The following AKAP6 variants were observed in gnomAD, a reference collection of about 807,000 sequenced individuals.
AKAP6 encodes the protein A-kinase anchor protein 6.
A neutral mutation model predicts 188.5 loss-of-function variants in AKAP6; 58 were observed. The observed-to-expected ratio is 0.31, with a 90% CI of 0.25 to 0.38. AKAP6 has a LOEUF of 0.38. AKAP6 is among the 10% of genes least tolerant of loss of function. The probability of loss-of-function intolerance (pLI) is 1.00; values close to 1 mark genes in which losing one functional copy is unlikely to be tolerated. For missense variants in AKAP6, 2,710 were observed against 2,740.0 expected (o/e 0.99, Z 0.24); for synonymous variants, 989 against 998.6 (o/e 0.99, Z 0.18).
At chr14:32,640,660 C>T (rs1323871743) in intron 7 of AKAP6, among the ~76,000 whole-genome samples, 2 of 152,054 alleles carry the variant, frequency 1.3e-5, no homozygotes, top group Admixed American at 6.6e-5. Context: ...TCACATTAGC[C>T]CTTACAGATA....
intron 7 of AKAP6, among the ~76,000 whole-genome samples, chr14:32,630,377 T>C (rs559518744): frequency 6.6e-6 from 1 of 152,084 alleles, no homozygotes; most frequent in African/African-American, 2.4e-5. Context: ...AATTACCACA[T>C]GTTGCTATTG....
chr14:32,649,934 T>A (rs1348123648), intron 7 of AKAP6, among the ~76,000 whole-genome samples: 1 of 152,204 alleles, frequency 6.6e-6, no homozygotes, highest in Non-Finnish European at 1.5e-5. Flanking sequence ...ACTGGATTTC[T>A]CTAGGCAGCA....
chr14:32,381,549 T>C (rs886505891), intron 1 of AKAP6, among the ~76,000 whole-genome samples: 1 of 152,124 alleles, frequency 6.6e-6, no homozygotes, highest in Admixed American at 6.5e-5. Context: ...TTGGTTCCAC[T>C]GTTTGGGCCA....
At chr14:32,337,487 TAAAG>T (rs1313074707) in intron 1 of AKAP6, among the ~76,000 whole-genome samples, 1 of 152,100 alleles carries the variant, frequency 6.6e-6, no homozygotes, top group African/African-American at 2.4e-5. Context: ...TGAGAACAAA[TAAAG>T]AATCAGATTG....
chr14:32,352,332 G>A (rs547178596), intron 1 of AKAP6, among the ~76,000 whole-genome samples: 7 of 150,956 alleles, frequency 4.6e-5, no homozygotes, highest in East Asian at 3.9e-4. Context: ...TGATGTTTCC[G>A]TACAAGTATG....
intron 12 of AKAP6, among the ~76,000 whole-genome samples, chr14:32,815,693 A>G (rs1395055469): frequency 6.6e-6 from 1 of 152,216 alleles, no homozygotes; most frequent in African/African-American, 2.4e-5. Flanking sequence ...GTTAACGGTT[A>G]TTTAGGATTC....
chr14:32,509,140 T>C (rs1253033786), intron 2 of AKAP6, among the ~76,000 whole-genome samples: 2 of 100,022 alleles, frequency 2.0e-5, no homozygotes, highest in South Asian at 6.0e-4. Context: ...TTTTTTTTTT[T>C]TTTTGAGAGA....
At chr14:32,494,728 C>A (rs1433196806) in intron 2 of AKAP6, among the ~76,000 whole-genome samples, 2 of 152,056 alleles carry the variant, frequency 1.3e-5, no homozygotes, top group African/African-American at 4.8e-5. Flanking sequence ...CACTTGCATG[C>A]CTCTCTTGAA....
At chr14:32,703,232 G>A (rs8013508) in intron 9 of AKAP6, among the ~76,000 whole-genome samples, 17,201 of 152,088 alleles carry the variant, frequency 0.11, 1,030 homozygotes, top group Admixed American at 0.16. Context: ...GAGAGAAAGG[G>A]AGAGAGGGAA....
chr14:32,488,140 C>A (rs1829898015), intron 2 of AKAP6, among the ~76,000 whole-genome samples: 1 of 152,232 alleles, frequency 6.6e-6, no homozygotes, highest in Non-Finnish European at 1.5e-5. Flanking sequence ...CTACCCCTTC[C>A]CCCAGGTGCT....
chr14:32,779,383 C>T (rs189870534), intron 12 of AKAP6, among the ~76,000 whole-genome samples: 172 of 132,978 alleles, frequency 1.3e-3, no homozygotes, highest in Non-Finnish European at 1.9e-3. Context: ...GTACCCCAGC[C>T]TGGGCAACAG....
intron 2 of AKAP6, among the ~76,000 whole-genome samples, chr14:32,520,088 G>C (rs1472001153): frequency 1.3e-5 from 2 of 152,194 alleles, no homozygotes; most frequent in African/African-American, 2.4e-5. Flanking sequence ...ACCTGCTCCT[G>C]AATGACTACT....
chr14:32,560,951 GA>G (rs1883931842), intron 4 of AKAP6, among the ~76,000 whole-genome samples: 1 of 151,972 alleles, frequency 6.6e-6, no homozygotes, highest in South Asian at 2.1e-4. Flanking sequence ...TAATTCTCAA[GA>G]AAAAAATTCT....
chr14:32,568,639 C>CA lies in AKAP6; in HGVS notation c.2347-8479dup, dbSNP rs1361928302. On this transcript the variant is annotated intron_variant, in intron 4 of 13. Coordinates refer to ENST00000280979, the MANE Select transcript of AKAP6 (RefSeq NM_004274.5). This position sits in a 1 kb window ranked among gnomAD's most constrained non-coding sequence, Gnocchi z 6.2. ...AAGGTCTCACCTAGAGCAAGTCTGC[C>CA]AAGCTTTGGGGCAGTCATACTACCT... Among the ~76,000 whole-genome samples the CA allele has an allele frequency of 2.0e-5, 3 of 152,140 alleles. No individual in the cohort carries two copies. Among genetic ancestry groups the CA allele is most frequent in the Non-Finnish European group, 4.4e-5 (3 of 68,038 alleles).
chr14:32,758,818 G>A (rs2032437984), intron 11 of AKAP6, among the ~76,000 whole-genome samples: 1 of 152,148 alleles, frequency 6.6e-6, no homozygotes, highest in African/African-American at 2.4e-5. Context: ...ATACTACTAA[G>A]TACTATTTTA....
At chr14:32,648,044 C>T (rs1443949882) in intron 7 of AKAP6, among the ~76,000 whole-genome samples, 1 of 152,002 alleles carries the variant, frequency 6.6e-6, no homozygotes, top group African/African-American at 2.4e-5. Context: ...CCTTAATTGT[C>T]TTTTCATTTA....
chr14:32,393,776 C>T (rs142800320), intron 1 of AKAP6, among the ~76,000 whole-genome samples: 63 of 152,062 alleles, frequency 4.1e-4, no homozygotes, highest in African/African-American at 1.3e-3. Flanking sequence ...TTTTTGGACA[C>T]GACCAATAAT....
chr14:32,452,764 T>C (rs1215885569), intron 2 of AKAP6, among the ~76,000 whole-genome samples: 1 of 152,248 alleles, frequency 6.6e-6, no homozygotes, highest in Non-Finnish European at 1.5e-5. Context: ...CCTTGGTTGA[T>C]TGTGAATATT....
intron 11 of AKAP6, among the ~76,000 whole-genome samples, chr14:32,755,259 T>G (rs953500756): frequency 2.6e-5 from 4 of 152,072 alleles, no homozygotes; most frequent in Non-Finnish European, 5.9e-5. Context: ...CTGTGGTTTT[T>G]TTTCTTCTTC....
Sources: gnomAD v4.1 joint callset for allele counts (sites outside exome capture counted in the v4.1 genomes callset) on GRCh38, gnomAD v4.1.1 for gene constraint, Gnocchi (gnomAD v3.1) non-coding constraint, MANE v1.5 for transcripts, NCBI Gene and HGNC (gene_info 2026-07-23, HGNC 2026-07-21) for gene names.